Variants in TCF4 observed in about 807,000 individuals in gnomAD.
TCF4 encodes the protein SL3-3 enhancer factor 2.
TCF4 carries 3 observed loss-of-function variants against 82.1 expected under a neutral mutation model. The ratio of observed to expected loss-of-function variants is 0.04; its 90% CI spans 0.02 to 0.09. The LOEUF (loss-of-function observed/expected upper bound fraction) is 0.09, where lower values mean the gene tolerates loss of function less well. TCF4 is among the 10% of genes least tolerant of loss of function. TCF4 has a pLI of 1.00. For missense variants in TCF4, 518 were observed against 852.7 expected (o/e 0.61, Z 4.89); for synonymous variants, 276 against 309.6 (o/e 0.89, Z 1.14).
intron 8 of TCF4, among the ~76,000 whole-genome samples, chr18:55,342,517 T>C (rs1297742929): frequency 6.6e-6 from 1 of 152,136 alleles, no homozygotes; most frequent in Non-Finnish European, 1.5e-5. Context: ...CTTTTCTACT[T>C]GACCAAATCG....
intron 11 of TCF4, among the ~76,000 whole-genome samples, chr18:55,263,787 A>C (rs1007638682): frequency 1.3e-5 from 2 of 151,748 alleles, no homozygotes; most frequent in Non-Finnish European, 2.9e-5. Context: ...TAAAAATTAG[A>C]TCTATCAGTC....
At chr18:55,382,476 G>A (rs1176400855) in intron 6 of TCF4, among the ~76,000 whole-genome samples, 2 of 152,002 alleles carry the variant, frequency 1.3e-5, no homozygotes, top group Non-Finnish European at 2.9e-5. Flanking sequence ...AAATTTCTGA[G>A]ATGTTGAAAT....
intron 3 of TCF4, among the ~76,000 whole-genome samples, chr18:55,577,211 TAA>T (rs33980799): frequency 0.86 from 115,714 of 134,490 alleles, 49,530 homozygotes; most frequent in African/African-American, 0.92. Context: ...TATATTTATA[TAA>T]ATGTATATAT....
chr18:55,360,093 A>G (rs139315736), intron 6 of TCF4, among the ~76,000 whole-genome samples: 4 of 152,342 alleles, frequency 2.6e-5, no homozygotes, highest in Non-Finnish European at 2.9e-5. Flanking sequence ...GAAACATTGC[A>G]GGAGAGAGGA....
chr18:55,254,512 G>A lies in TCF4; in HGVS notation c.1335C>T (p.Asn445=). ...CATCACTTACCATGAGTGAATGTCT[G>A]TTGGCTGAAAGAAGGCCGGTTCCAT... The part of the protein sequence containing the change: ...SGYGTGLLSA[N]RHSLMVGTHR... The change falls in exon 15 of 20, where the codon AAC becomes AAT. Residue 445 remains asparagine, a synonymous_variant. Transcript: ENST00000354452. 1.2e-6 allele frequency: 2 copies of A among 1,613,584 alleles called. No homozygotes were observed. The highest frequency in any genetic ancestry group is 1.7e-6 in the Non-Finnish European group (2 of 1,179,760).
At chr18:55,315,642 T>C (rs899282547) in intron 8 of TCF4, among the ~76,000 whole-genome samples, 1 of 152,142 alleles carries the variant, frequency 6.6e-6, no homozygotes, top group African/African-American at 2.4e-5. Context: ...AAAATTGTTT[T>C]GCTTAATAAA....
At chr18:55,249,701 T>C (rs942426464) in intron 15 of TCF4, among the ~76,000 whole-genome samples, 98 of 152,262 alleles carry the variant, frequency 6.4e-4, no homozygotes, top group African/African-American at 1.9e-3. Flanking sequence ...AATGAATAAA[T>C]AGACTTTAAA....
intron 3 of TCF4, among the ~76,000 whole-genome samples, chr18:55,584,549 C>A (rs1347413271): frequency 2.6e-5 from 4 of 152,070 alleles, no homozygotes; most frequent in African/African-American, 9.7e-5. Flanking sequence ...CTGTAATAAA[C>A]CCCTCCTTAG....
intron 3 of TCF4, among the ~76,000 whole-genome samples, chr18:55,477,787 C>G (rs1437400745): frequency 6.6e-6 from 1 of 152,184 alleles, no homozygotes; most frequent in Non-Finnish European, 1.5e-5. Flanking sequence ...ACTAGTCCAG[C>G]TGAAAGAGAT....
chr18:55,621,667 TATAATATAC>T (rs2097719933), intron 2 of TCF4, among the ~76,000 whole-genome samples: 1 of 30,040 alleles, frequency 3.3e-5, no homozygotes, highest in Non-Finnish European at 6.9e-5. Flanking sequence ...ATATACATTA[TATAATATAC>T]ATTATATATT....
intron 5 of TCF4, among the ~76,000 whole-genome samples, chr18:55,455,178 T>C (rs1482749638): frequency 8.3e-5 from 3 of 36,348 alleles, no homozygotes; most frequent in African/African-American, 4.8e-4. Flanking sequence ...AGACTCTGTC[T>C]CAAAAAAAAA....
At chr18:55,535,630 G>T (rs1276728015) in intron 3 of TCF4, among the ~76,000 whole-genome samples, 1 of 152,106 alleles carries the variant, frequency 6.6e-6, no homozygotes, top group Non-Finnish European at 1.5e-5. Context: ...TTTTCTTGGA[G>T]GCAAATCCTA....
At chr18:55,255,162 C>G (rs1195461466) in intron 14 of TCF4, among the ~76,000 whole-genome samples, 1 of 152,078 alleles carries the variant, frequency 6.6e-6, no homozygotes, top group Non-Finnish European at 1.5e-5. Context: ...TGGTATATGA[C>G]CCAGTGCTAA....
intron 3 of TCF4, among the ~76,000 whole-genome samples, chr18:55,538,174 C>T (rs941403598): frequency 2.0e-5 from 3 of 152,068 alleles, no homozygotes; most frequent in Admixed American, 2.0e-4. Context: ...CTATCATTTG[C>T]CTCTGCTTTG....
upstream of TCF4, chr18:55,589,944 C>G (rs963982657): frequency 1.7e-6 from 1 of 597,548 alleles, no homozygotes; most frequent in Non-Finnish European, 2.1e-6. Flanking sequence ...ACCACGCCTC[C>G]TCCGGGAGCG....
chr18:55,305,843 G>A (rs1191095331), intron 8 of TCF4, among the ~76,000 whole-genome samples: 1 of 152,130 alleles, frequency 6.6e-6, no homozygotes, highest in East Asian at 1.9e-4. Context: ...CATACTGATA[G>A]GATAATGCCC....
chr18:55,528,065 G>T (rs1334809461), intron 3 of TCF4, among the ~76,000 whole-genome samples: 6 of 152,138 alleles, frequency 3.9e-5, no homozygotes, highest in African/African-American at 1.4e-4. Context: ...AACCAAAAGT[G>T]TATGACCGTA....
intron 15 of TCF4, among the ~76,000 whole-genome samples, chr18:55,235,712 G>C (rs966975559): frequency 6.6e-6 from 1 of 152,134 alleles, no homozygotes; most frequent in Non-Finnish European, 1.5e-5. Flanking sequence ...CTATTTCCAA[G>C]TATTTTCTTA....
chr18:55,426,118 T>TATAC (rs1377856275), intron 5 of TCF4, among the ~76,000 whole-genome samples: 68 of 145,212 alleles, frequency 4.7e-4, no homozygotes, highest in South Asian at 1.7e-3. Context: ...TATATATATA[T>TATAC]ACACACACAC....
Sources: gnomAD v4.1 joint callset for allele counts (sites outside exome capture counted in the v4.1 genomes callset) on GRCh38, gnomAD v4.1.1 for gene constraint, MANE v1.5 for transcripts, NCBI Gene and HGNC (gene_info 2026-07-23, HGNC 2026-07-21) for gene names.